Variants in SERPINA3 observed in about 807,000 individuals in gnomAD.
SERPINA3 encodes alpha-1-antichymotrypsin.
Under a neutral mutation model 26.8 loss-of-function variants are expected in SERPINA3, and 32 were observed. That is an observed-to-expected ratio of 1.20 (90% CI 0.90 to 1.61). The LOEUF is 1.61. Ranked by LOEUF, SERPINA3 falls within the 40% of genes most tolerant of loss-of-function variation. The pLI, the probability that SERPINA3 is intolerant of heterozygous loss-of-function variation, is 0.00. For synonymous variants in SERPINA3, 252 were observed against 206.4 expected, an observed-to-expected ratio of 1.22 and a Z score of -1.89; for missense variants, 632 against 517.9, an observed-to-expected ratio of 1.22 and a Z score of -2.14.
chr14:94,619,825 T>C (rs927923467), intron 3 of SERPINA3: 3 of 375,714 alleles, frequency 8.0e-6, no homozygotes, highest in Non-Finnish European at 1.5e-5. Context: ...TGAGATGGAC[T>C]CTGAGAATCA....
chr14:94,617,446 T>A (rs890721558), intron 2 of SERPINA3, among the ~76,000 whole-genome samples: 3 of 152,072 alleles, frequency 2.0e-5, no homozygotes, highest in African/African-American at 7.2e-5. Context: ...CTGGCTCTCA[T>A]TGCAATTACA....
intron 3 of SERPINA3, 50 bp from the exon 4 acceptor site, chr14:94,622,291 T>C (rs1224422909): frequency 2.5e-6 from 4 of 1,593,148 alleles, no homozygotes; most frequent in Middle Eastern, 1.7e-4. Flanking sequence ...GGGAGGCAGG[T>C]AGGTACTGAT....
In SERPINA3 at chr14:94,614,907, G is replaced by T; in HGVS notation, c.466G>T (p.Asp156Tyr). The T allele has an allele frequency of 6.2e-7, 1 of 1,614,176 alleles. No homozygotes were observed. Among genetic ancestry groups the T allele is most frequent in the South Asian group, 1.1e-5 (1 of 91,084 alleles). The change falls in exon 2 of 5, where the codon GAT becomes TAT. Residue 156 changes from aspartate (D) to tyrosine (Y), a missense_variant. By Grantham distance (160) the Asp-to-Tyr change is radical. Coordinates refer to ENST00000393078, the MANE Select transcript of SERPINA3 (RefSeq NM_001085.5). ...CAGTCTGCTGGACAGGTTCACGGAGGATGCCAAGAGGCTGTATGGCTCCGA... is the reference window on the plus strand; with the variant it reads ...CAGTCTGCTGGACAGGTTCACGGAGTATGCCAAGAGGCTGTATGGCTCCGA... ...QLSLLDRFTE[D>Y]AKRLYGSEAF...
At position 94,622,380 on chromosome 14, in the gene SERPINA3, G is replaced by A. The variant is rs1227830345; in HGVS notation, c.957G>A (p.Ser319=). 2.2e-5 allele frequency: 36 copies of A among 1,613,898 alleles called. No individual in the cohort carries two copies. The highest frequency in any genetic ancestry group is 6.7e-5 in the African/African-American group (5 of 74,820). The change falls in exon 4 of 5, where the codon TCG becomes TCA. Residue 319 remains serine (S), a synonymous_variant. Coordinates refer to ENST00000393078, the MANE Select transcript of SERPINA3 (RefSeq NM_001085.5). The stretch of plus-strand genomic sequence containing the variant: ...TCTACCTGCCAAAGTTTTCCATCTC[G>A]AGGGACTATAACCTGAACGACATAC... ...GELYLPKFSI[S]RDYNLNDILL...
chr14:94,622,348 G>A lies in SERPINA3; in HGVS notation c.925G>A (p.Gly309Ser). Reference protein sequence around the residue: ...WRDSLEFREIGELYLPKFSIS... With the variant: ...WRDSLEFREISELYLPKFSIS... Reference sequence around the variant, plus strand: ...TTTTTTCTCGTTTTCTAGAGAGATAGGTGAGCTCTACCTGCCAAAGTTTTC... The same window carrying A: ...TTTTTTCTCGTTTTCTAGAGAGATAAGTGAGCTCTACCTGCCAAAGTTTTC... Residue 309 changes from glycine (G) to serine (S), a missense_variant, in exon 4 of 5, where the codon GGT (glycine) becomes AGT (serine). Gly to Ser is a moderately conservative substitution (Grantham distance 56). Transcript: ENST00000393078. 6.2e-7 allele frequency: 1 copy of A among 1,614,066 alleles called. No homozygotes were observed. Among genetic ancestry groups the A allele is most frequent in the Non-Finnish European group, 8.5e-7 (1 of 1,179,998 alleles).
intron 2 of SERPINA3, among the ~76,000 whole-genome samples, chr14:94,616,452 G>C (rs1321865084): frequency 1.3e-5 from 2 of 152,144 alleles, no homozygotes; most frequent in African/African-American, 4.8e-5. Flanking sequence ...GTCACTGCTG[G>C]GGCAGCCCTG....
At chr14:94,618,981 G>A in intron 2 of SERPINA3, 2 of 628,120 alleles carry the variant, frequency 3.2e-6, no homozygotes, top group South Asian at 1.9e-5. Flanking sequence ...TTAGCACAAG[G>A]AACTAGGTCT....
intron 2 of SERPINA3, chr14:94,618,122 T>C (rs1042305361): frequency 6.6e-5 from 10 of 152,322 alleles, no homozygotes; most frequent in Admixed American, 2.0e-4. Flanking sequence ...ATTTTCAACA[T>C]TTTAAATATT....
At chr14:94,614,391 C>A in intron 1 of SERPINA3, 43 bp from the exon 2 acceptor site, 1 of 1,594,154 alleles carries the variant, frequency 6.3e-7, no homozygotes, top group Non-Finnish European at 8.5e-7. Flanking sequence ...GTGGTCGGGG[C>A]TCCATCTGGC....
intron 3 of SERPINA3, among the ~76,000 whole-genome samples, chr14:94,621,790 C>T (rs954590808): frequency 6.6e-6 from 1 of 152,174 alleles, no homozygotes; most frequent in African/African-American, 2.4e-5. Context: ...CCCTCACTAC[C>T]CTCCTCCCTG....
At chr14:94,619,505 C>A (rs1344540154) in intron 3 of SERPINA3, 37 bp downstream of exon 3, 1 of 1,612,764 alleles carries the variant, frequency 6.2e-7, no homozygotes, top group South Asian at 1.1e-5. Flanking sequence ...CCACATCTCT[C>A]CACGTCAAGG....
rs76970295 is a variant in SERPINA3 at position 94,619,261 on chromosome 14, A to G, written c.710A>G (p.Lys237Arg). The G allele has an allele frequency of 3.0e-4, 478 of 1,614,118 alleles. No homozygotes were observed. The African/African-American group carries it at 5.5e-3, about 19-fold the overall frequency. Residue 237 changes from lysine (K) to arginine (R), a missense_variant, in exon 3 of 5, where the codon AAG becomes AGG. Coordinates refer to ENST00000393078, the MANE Select transcript of SERPINA3 (RefSeq NM_001085.5). ...HQSRFYLSKK[K>R]WVMVPMMSLH... ...TCAAGGTTCTACTTGAGCAAGAAAA[A>G]GTGGGTAATGGTGCCCATGATGAGT... is the stretch of plus-strand genomic sequence containing the variant.
At chr14:94,620,337 A>T (rs1015490203) in intron 3 of SERPINA3, among the ~76,000 whole-genome samples, 1 of 152,134 alleles carries the variant, frequency 6.6e-6, no homozygotes, top group East Asian at 1.9e-4. Flanking sequence ...TCTTGTCTTG[A>T]TCAGGGAGGA....
At chr14:94,616,200 C>T (rs1885992155) in intron 2 of SERPINA3, among the ~76,000 whole-genome samples, 1 of 152,198 alleles carries the variant, frequency 6.6e-6, no homozygotes, top group South Asian at 2.1e-4. Flanking sequence ...CTTTCCCCTC[C>T]CCACCTGCCT....
Position 94,614,951 on chromosome 14 carries a change from T to G in SERPINA3, c.510T>G (p.Phe170Leu). The G allele has an allele frequency of 1.9e-6, 3 of 1,613,258 alleles. No individual in the cohort carries two copies. Among genetic ancestry groups the G allele is most frequent in the Non-Finnish European group, 2.5e-6 (3 of 1,179,176 alleles). Residue 170 changes from phenylalanine to leucine, a missense_variant, in exon 2 of 5, where the codon TTT becomes TTG. Coordinates refer to ENST00000393078, the MANE Select transcript of SERPINA3 (RefSeq NM_001085.5). ...GCTCCGAGGCCTTTGCCACTGACTTTCAGGACTCAGCTGCAGCTAAGAAGC... is the reference window on the plus strand; with the variant it reads ...GCTCCGAGGCCTTTGCCACTGACTTGCAGGACTCAGCTGCAGCTAAGAAGC... ...LYGSEAFATD[F>L]QDSAAAKKLI...
chr14:94,619,315 G>T lies in SERPINA3; in HGVS notation c.764G>T (p.Arg255Leu). Residue 255 changes from arginine (R) to leucine (L), a missense_variant, in exon 3 of 5, where the codon CGG (arginine) becomes CTG (leucine). By Grantham distance (102) the Arg-to-Leu change is moderately radical. Transcript: ENST00000393078. The stretch of plus-strand genomic sequence containing the variant: ...CATCACCTGACTATACCTTACTTCC[G>T]GGACGAGGAGCTGTCCTGCACCGTG... ...SLHHLTIPYF[R>L]DEELSCTVVE... The T allele has an allele frequency of 1.2e-6, 2 of 1,614,162 alleles. No homozygotes were observed. The highest frequency in any genetic ancestry group is 1.7e-6 in the Non-Finnish European group (2 of 1,180,028).
rs1886114149 is a variant in SERPINA3, at chr14:94,619,345, A to C, written c.794A>C (p.Glu265Ala). Reference protein sequence around the residue: ...RDEELSCTVVELKYTGNASAL... With the variant: ...RDEELSCTVVALKYTGNASAL... ...GAGGAGCTGTCCTGCACCGTGGTGG[A>C]GCTGAAGTACACAGGCAATGCCAGC... The change falls in exon 3 of 5, where the codon GAG (glutamate) becomes GCG (alanine). Residue 265 changes from glutamate (E) to alanine (A), a missense_variant. Physicochemically the swap from Glu to Ala is moderately radical, Grantham distance 107. Coordinates refer to ENST00000393078, the MANE Select transcript of SERPINA3 (RefSeq NM_001085.5). The C allele has an allele frequency of 6.2e-7, 1 of 1,614,190 alleles. No homozygotes were observed. The highest frequency in any genetic ancestry group is 2.2e-5 in the East Asian group (1 of 44,878).
In SERPINA3 at chr14:94,624,027, C is replaced by T; in HGVS notation, c.*213C>T. The T allele has an allele frequency of 1.6e-6, 1 of 608,446 alleles. No homozygotes were observed. The highest frequency in any genetic ancestry group is 2.9e-5 in the Admixed American group (1 of 34,916). 37.7% of individuals were successfully genotyped at this position (608,446 alleles called of 1,614,324 possible). A position where few individuals can be genotyped will look rare whatever the true frequency, so the allele number is the denominator to read the frequency against. On this transcript the variant is annotated 3_prime_UTR_variant, in exon 5 of 5. Coordinates refer to ENST00000393078, the MANE Select transcript of SERPINA3 (RefSeq NM_001085.5). ...TTCAGTCTGGAGGGTCCTGGGCCTC[C>T]TGACAGCAATAAATAATTTCGTTGG...
rs2139967943 is a variant in SERPINA3 at position 94,623,863 on chromosome 14, G to C, written c.*49G>C. On this transcript the variant is annotated 3_prime_UTR_variant, in exon 5 of 5. Coordinates refer to ENST00000393078, the MANE Select transcript of SERPINA3 (RefSeq NM_001085.5). ...TCTCAGTAAGGAACTTGGAATGCAA[G>C]CTGGATGCCTGGGTCTCTGGGCACA... 6.5e-7 allele frequency: 1 copy of C among 1,539,866 alleles called. No homozygotes were observed. Among genetic ancestry groups the C allele is most frequent in the Middle Eastern group, 1.7e-4 (1 of 5,920 alleles).
Sources: gnomAD v4.1 joint callset for allele counts (sites outside exome capture counted in the v4.1 genomes callset) on GRCh38, gnomAD v4.1.1 for gene constraint, MANE v1.5 for transcripts, NCBI Gene and HGNC (gene_info 2026-07-23, HGNC 2026-07-21) for gene names.